SRGAP1: variants seen among roughly 807,000 people sequenced by gnomAD.
The protein encoded by SRGAP1 is SLIT-ROBO Rho GTPase activating protein 1.
SRGAP1 carries 43 observed loss-of-function variants against 121.9 expected under a neutral mutation model. The ratio of observed to expected loss-of-function variants is 0.35; its 90% CI spans 0.28 to 0.46. The LOEUF is 0.46. SRGAP1 is among the 20% of genes least tolerant of loss of function. SRGAP1 has a pLI of 1.00. For missense variants in SRGAP1, 1,102 were observed against 1,350.9 expected, an observed-to-expected ratio of 0.82 and a Z score of 2.89; for synonymous variants, 447 against 485.4, an observed-to-expected ratio of 0.92 and a Z score of 1.04.
At position 64,142,882 on chromosome 12, in the gene SRGAP1, C is replaced by A. The variant is rs1592360781; in HGVS notation, c.*210C>A. 6.3e-6 allele frequency: 4 copies of A among 637,562 alleles called. No homozygotes were observed. The highest frequency in any genetic ancestry group is 1.0e-5 in the Non-Finnish European group (4 of 382,744). The allele number at this position is 637,562 out of a possible 1,614,324, so 39.5% of individuals were successfully genotyped here. On this transcript the variant is annotated 3_prime_UTR_variant, in exon 22 of 22. Coordinates refer to ENST00000355086, the MANE Select transcript of SRGAP1 (RefSeq NM_020762.4). ...TTTTTTTAAATAACTGGACATATGTCATTTTAAGGACAATAGAAACACTTA... is the reference window on the plus strand; with the variant it reads ...TTTTTTTAAATAACTGGACATATGTAATTTTAAGGACAATAGAAACACTTA...
At position 64,001,053 on chromosome 12, in the gene SRGAP1, CACACAT is replaced by C. The variant is rs1304097695; in HGVS notation, c.426+10993_426+10998del. On this transcript the variant is annotated intron_variant, in intron 3 of 21. Coordinates refer to ENST00000355086, the MANE Select transcript of SRGAP1 (RefSeq NM_020762.4). ...TTTTCAAACAAACTTGCTGAAAAGA[CACACAT>C]ACACATACACACACAAACACGTAGT... 3.3e-5 allele frequency among the ~76,000 whole-genome samples: 5 copies of C among 152,256 alleles called. 1 individual carries two copies. The highest frequency in any genetic ancestry group is 2.9e-5 in the Non-Finnish European group (2 of 68,020).
At chr12:64,125,574 T>C (rs1274565219) in intron 18 of SRGAP1, among the ~76,000 whole-genome samples, 1 of 152,196 alleles carries the variant, frequency 6.6e-6, no homozygotes, top group Non-Finnish European at 1.5e-5. Flanking sequence ...GGTATTAACA[T>C]GTTACAAGGA....
At chr12:64,036,417 C>T (rs1214314020) in intron 4 of SRGAP1, among the ~76,000 whole-genome samples, 1 of 152,116 alleles carries the variant, frequency 6.6e-6, no homozygotes, top group Non-Finnish European at 1.5e-5. Context: ...CAGTTAGAGT[C>T]CTCTTATGTA....
chr12:64,008,906 G>A (rs1297165479), intron 3 of SRGAP1, among the ~76,000 whole-genome samples: 3 of 152,088 alleles, frequency 2.0e-5, no homozygotes, highest in East Asian at 3.8e-4. Context: ...CCTACACAAT[G>A]TGGTCTAATT....
intron 21 of SRGAP1, among the ~76,000 whole-genome samples, chr12:64,134,674 AC>A (rs1042317348): frequency 1.1e-4 from 16 of 152,060 alleles, no homozygotes; most frequent in Middle Eastern, 6.8e-3. Flanking sequence ...AACTATTAGA[AC>A]CTTTTTTAAC....
chr12:64,018,814 A>C (rs1040825797), intron 4 of SRGAP1, among the ~76,000 whole-genome samples: 1 of 152,096 alleles, frequency 6.6e-6, no homozygotes, highest in Non-Finnish European at 1.5e-5. Flanking sequence ...GCTTTATGTG[A>C]TTTGTTAGCT....
At chr12:63,910,657 T>C (rs1183733432) in intron 1 of SRGAP1, among the ~76,000 whole-genome samples, 1 of 152,188 alleles carries the variant, frequency 6.6e-6, no homozygotes, top group Admixed American at 6.5e-5. Context: ...GTAATATCTA[T>C]AAGACATGGT....
At chr12:63,967,620 A>G (rs2032826117) in intron 1 of SRGAP1, among the ~76,000 whole-genome samples, 1 of 152,192 alleles carries the variant, frequency 6.6e-6, no homozygotes, top group Non-Finnish European at 1.5e-5. Flanking sequence ...CTGGGCAGGA[A>G]TGGGCTTGGG....
chr12:64,075,727 TA>T (rs948374315), intron 8 of SRGAP1, among the ~76,000 whole-genome samples: 1 of 152,218 alleles, frequency 6.6e-6, no homozygotes, highest in African/African-American at 2.4e-5. Context: ...TTAATTACAG[TA>T]TTTTTAATGG....
At chr12:64,132,980 T>A (rs2036808173) in intron 21 of SRGAP1, among the ~76,000 whole-genome samples, 1 of 152,250 alleles carries the variant, frequency 6.6e-6, no homozygotes, top group Non-Finnish European at 1.5e-5. Context: ...GATGTGTTAA[T>A]TTGCTCAAGC....
At chr12:64,064,979 A>G (rs2035511542) in intron 7 of SRGAP1, 139 bp from the exon 8 acceptor site, 1 of 596,912 alleles carries the variant, frequency 1.7e-6, no homozygotes, top group Admixed American at 3.6e-5. Flanking sequence ...TGAAGTTTTG[A>G]TGTGCCTATT....
At chr12:64,057,466 A>G (rs770545896) in intron 6 of SRGAP1, among the ~76,000 whole-genome samples, 3 of 152,182 alleles carry the variant, frequency 2.0e-5, no homozygotes, top group Non-Finnish European at 4.4e-5. Context: ...TTAGGAAAAT[A>G]GAGAAGGTCA....
In SRGAP1 at chr12:64,079,110, C is replaced by T; in HGVS notation, c.1317C>T (p.Tyr439=). 1 of 1,612,080 alleles carries T rather than the reference C, an allele frequency of 6.2e-7. No individual in the cohort carries two copies. The highest frequency in any genetic ancestry group is 1.3e-5 in the African/African-American group (1 of 74,994). ...RANQQETEQF[Y]FMKLREYLEG... is the part of the protein sequence containing the mutation. ...ACCAGCAGGAAACTGAACAGTTCTA[C>T]TTCATGGTGTGCCCGCCACTTCCCA... Residue 439 remains tyrosine (Y), a synonymous_variant, in exon 9 of 22, where the codon TAC becomes TAT. Transcript: ENST00000355086.
rs1213629434 is a variant in SRGAP1 at position 64,157,527 on chromosome 12, A to G, written c.*14855A>G. The G allele has an allele frequency of 6.6e-6, 1 of 152,200 alleles. No homozygotes were observed. 9.4% of individuals were successfully genotyped at this position (152,200 alleles called of 1,614,324 possible). Reference sequence around the variant, plus strand: ...CAAATTTATTAAAAATACTCTTTCAATTCCTTCTCTCTGCCTGACATTGTT... The same window carrying G: ...CAAATTTATTAAAAATACTCTTTCAGTTCCTTCTCTCTGCCTGACATTGTT... On this transcript the variant is annotated 3_prime_UTR_variant, in exon 22 of 22. Coordinates refer to ENST00000355086, the MANE Select transcript of SRGAP1 (RefSeq NM_020762.4).
chr12:63,936,185 C>T (rs1028577101), intron 1 of SRGAP1, among the ~76,000 whole-genome samples: 2 of 152,076 alleles, frequency 1.3e-5, no homozygotes, highest in African/African-American at 4.8e-5. Flanking sequence ...ATAAGAGATA[C>T]ACGAATCCAG....
At chr12:64,117,074 G>A (rs2036534814) in intron 18 of SRGAP1, among the ~76,000 whole-genome samples, 1 of 152,212 alleles carries the variant, frequency 6.6e-6, no homozygotes, top group East Asian at 1.9e-4. Context: ...GTGGCCTGGA[G>A]TGGGAGAGCC....
intron 1 of SRGAP1, chr12:63,887,309 T>C (rs980550732): frequency 3.3e-5 from 5 of 152,272 alleles, no homozygotes; most frequent in Non-Finnish European, 4.4e-5. Context: ...AGCCCCTTGA[T>C]GGGAAGCCAC....
intron 3 of SRGAP1, among the ~76,000 whole-genome samples, chr12:63,997,430 C>G (rs2033744579): frequency 6.6e-6 from 1 of 151,924 alleles, no homozygotes; most frequent in African/African-American, 2.4e-5. Context: ...AAGTAATGGC[C>G]TGCCTGTACT....
In SRGAP1 at chr12:64,159,536, G is replaced by A. The variant is rs1169548063; in HGVS notation, c.*16864G>A. On this transcript the variant is annotated 3_prime_UTR_variant, in exon 22 of 22. Coordinates refer to ENST00000355086, the MANE Select transcript of SRGAP1 (RefSeq NM_020762.4). Reference sequence around the variant, plus strand: ...TGACTGTGATCCCAGCTACTTGGGAGGCTGAAGTGAAAGGATCGCTTGAGC... The same window carrying A: ...TGACTGTGATCCCAGCTACTTGGGAAGCTGAAGTGAAAGGATCGCTTGAGC... 1 of 152,824 alleles carries A rather than the reference G, an allele frequency of 6.5e-6. No individual in the cohort carries two copies. Among genetic ancestry groups the A allele is most frequent in the Non-Finnish European group, 1.5e-5 (1 of 68,640 alleles). 9.5% of individuals were successfully genotyped at this position (152,824 alleles called of 1,614,324 possible). A position where few individuals can be genotyped will look rare whatever the true frequency, so the allele number is the denominator to read the frequency against.
Sources: allele counts gnomAD v4.1 joint callset (sites outside exome capture counted in the v4.1 genomes callset), GRCh38; gene constraint gnomAD v4.1.1; transcripts MANE v1.5; gene names NCBI Gene and HGNC (gene_info 2026-07-23, HGNC 2026-07-21).